The following INA variants were observed in gnomAD, a reference collection of about 807,000 sequenced individuals.
INA encodes alpha-internexin.
In INA, 35 loss-of-function variants were observed where a neutral mutation model predicts 40.1. The ratio of observed to expected loss-of-function variants is 0.87; its 90% CI spans 0.67 to 1.16. The LOEUF (loss-of-function observed/expected upper bound fraction) is 1.16, where lower values mean the gene tolerates loss of function less well. Among genes scored for constraint, INA ranks in the 50% most tolerant of loss-of-function variants. INA has a pLI of 0.00. For synonymous variants in INA, 290 were observed against 316.9 expected (o/e 0.92, Z 0.90); for missense variants, 594 against 686.7 (o/e 0.87, Z 1.51).
rs1486839093 is a variant in INA at position 103,289,069 on chromosome 10, A to G, written c.*400A>G. 2 of 155,914 alleles carry G rather than the reference A, an allele frequency of 1.3e-5. No homozygotes were observed. The highest frequency in any genetic ancestry group is 6.4e-5 in the Admixed American group (1 of 15,606). The allele number at this position is 155,914 out of a possible 1,614,324, so 9.7% of individuals were successfully genotyped here. A position where few individuals can be genotyped will look rare whatever the true frequency, so the allele number is the denominator to read the frequency against. Reference sequence around the variant, plus strand: ...TAATCTTACTCTAGATACCTAAAACATAAGATCACTGCCAGAGATAAACTA... The same window carrying G: ...TAATCTTACTCTAGATACCTAAAACGTAAGATCACTGCCAGAGATAAACTA... On this transcript the variant is annotated 3_prime_UTR_variant, in exon 3 of 3. Coordinates refer to ENST00000369849, the MANE Select transcript of INA (RefSeq NM_032727.4).
chr10:103,283,428 C>T (rs904831427), intron 1 of INA, among the ~76,000 whole-genome samples: 4 of 152,172 alleles, frequency 2.6e-5, no homozygotes, highest in Non-Finnish European at 4.4e-5. Flanking sequence ...TTTAAGGCCT[C>T]ATGATCTCTT....
At chr10:103,285,908 A>T (rs1248709202) in intron 1 of INA, among the ~76,000 whole-genome samples, 5 of 151,926 alleles carry the variant, frequency 3.3e-5, no homozygotes, top group Non-Finnish European at 7.4e-5. Flanking sequence ...GTGAGCCACC[A>T]CACCCGGGTG....
intron 1 of INA, chr10:103,280,693 G>T (rs1374817480): frequency 1.0e-6 from 1 of 985,262 alleles, no homozygotes; most frequent in Non-Finnish European, 1.2e-6. Context: ...AATGATTCAC[G>T]GTGACACAGT....
intron 1 of INA, chr10:103,281,041 GTCT>G (rs1317108978): frequency 2.0e-6 from 1 of 511,832 alleles, no homozygotes; most frequent in Non-Finnish European, 2.5e-6. Context: ...GACAAGCCAA[GTCT>G]TCTCTTTTTT....
chr10:103,279,855 A>G, intron 1 of INA: 4 of 963,160 alleles, frequency 4.2e-6, no homozygotes, highest in Non-Finnish European at 5.6e-6. Flanking sequence ...AAAATCCATA[A>G]CTTGAACTTT....
Position 103,278,216 on chromosome 10 carries a change from C to A in INA, c.1005C>A (p.Ser335=). ...AGGGCCTGCGCGGGGCCAACGAGTC[C>A]TTGGAGAGGCAGATCCTGGAGCTGG... The part of the protein sequence containing the change: ...EIEGLRGANE[S]LERQILELEE... Residue 335 remains serine, a synonymous_variant, in exon 1 of 3, where the codon TCC becomes TCA. Transcript: ENST00000369849. This position sits in a 1 kb window ranked among gnomAD's most constrained non-coding sequence, Gnocchi z 4.9. 6.3e-7 allele frequency: 1 copy of A among 1,599,050 alleles called. No individual in the cohort carries two copies. The highest frequency in any genetic ancestry group is 8.5e-7 in the Non-Finnish European group (1 of 1,173,886).
intron 1 of INA, chr10:103,281,037 C>A: frequency 1.9e-6 from 1 of 521,320 alleles, no homozygotes; most frequent in Non-Finnish European, 2.5e-6. Flanking sequence ...GGGAGACAAG[C>A]CAAGTCTTCT....
At chr10:103,281,713 C>T (rs2133533843) in intron 1 of INA, among the ~76,000 whole-genome samples, 1 of 152,338 alleles carries the variant, frequency 6.6e-6, no homozygotes, top group South Asian at 2.1e-4. Context: ...CTACTGCCTC[C>T]CTGACCCAGG....
Position 103,278,416 on chromosome 10 carries a change from A to C in INA, c.1065+140A>C. 1 of 673,996 alleles carries C rather than the reference A, an allele frequency of 1.5e-6. No individual in the cohort carries two copies. The highest frequency in any genetic ancestry group is 2.5e-6 in the Non-Finnish European group (1 of 407,416). 41.8% of individuals were successfully genotyped at this position (673,996 alleles called of 1,614,324 possible). A position where few individuals can be genotyped will look rare whatever the true frequency, so the allele number is the denominator to read the frequency against. On this transcript the variant is annotated intron_variant, in intron 1 of 2. Coordinates refer to ENST00000369849, the MANE Select transcript of INA (RefSeq NM_032727.4). This position sits in a 1 kb window ranked among gnomAD's most constrained non-coding sequence, Gnocchi z 4.9. Reference sequence around the variant, plus strand: ...AGAGCCGCGGCTGGAGGCGCTGGTTAACAAAAAACCCTGGAGTCTTTAATG... The same window carrying C: ...AGAGCCGCGGCTGGAGGCGCTGGTTCACAAAAAACCCTGGAGTCTTTAATG...
chr10:103,277,680 G>A lies in INA; in HGVS notation c.469G>A (p.Ala157Thr). Residue 157 changes from alanine to threonine, a missense_variant, in exon 1 of 3, where the codon GCC becomes ACC. Physicochemically the swap from Ala to Thr is moderately conservative, Grantham distance 58 (BLOSUM62 0). Transcript: ENST00000369849. The surrounding 1 kb of genome is among the most constrained non-coding windows in gnomAD (Gnocchi z 5.6). ...LRDLRAQLEEASSARSQALLE... is the reference protein window; with the variant it reads ...LRDLRAQLEETSSARSQALLE... ...CGACCTGCGCGCGCAGCTGGAGGAG[G>A]CCAGCTCGGCTCGCTCGCAGGCCCT... 7.3e-7 allele frequency: 1 copy of A among 1,376,712 alleles called. No individual in the cohort carries two copies. Among genetic ancestry groups the A allele is most frequent in the Non-Finnish European group, 9.3e-7 (1 of 1,075,634 alleles). The allele number at this position is 1,376,712 out of a possible 1,614,324, so 85.3% of individuals were successfully genotyped here. A position where few individuals can be genotyped will look rare whatever the true frequency, so the allele number is the denominator to read the frequency against.
intron 1 of INA, among the ~76,000 whole-genome samples, chr10:103,285,053 G>A (rs1303184110): frequency 6.6e-6 from 1 of 151,450 alleles, no homozygotes; most frequent in African/African-American, 2.4e-5. Context: ...GCACGATCTC[G>A]GCTCACTGCA....
chr10:103,277,855 A>C lies in INA; in HGVS notation c.644A>C (p.Lys215Thr). 2 of 1,548,142 alleles carry C rather than the reference A, an allele frequency of 1.3e-6. No homozygotes were observed. The highest frequency in any genetic ancestry group is 1.7e-6 in the Non-Finnish European group (2 of 1,146,768). ...GATLARLDLE[K>T]KVESLLDELA... is the part of the protein sequence containing the mutation. ...ACGCTGGCCCGCCTGGACCTGGAGA[A>C]GAAGGTGGAGTCGCTGCTGGACGAG... is the stretch of plus-strand genomic sequence containing the variant. Residue 215 changes from lysine to threonine, a missense_variant, in exon 1 of 3, where the codon AAG becomes ACG. Coordinates refer to ENST00000369849, the MANE Select transcript of INA (RefSeq NM_032727.4). The surrounding 1 kb of genome is among the most constrained non-coding windows in gnomAD (Gnocchi z 5.6).
chr10:103,277,149 C>A lies in INA; in HGVS notation c.-63C>A. On this transcript the variant is annotated 5_prime_UTR_variant, in exon 1 of 3. Transcript: ENST00000369849. The surrounding 1 kb of genome is among the most constrained non-coding windows in gnomAD (Gnocchi z 5.6). ...CACCGCCCCGCCGCGCCCTGCCTGCCGCACCTCTCCTTTCTTCTGTAGCTC... is the reference window on the plus strand; with the variant it reads ...CACCGCCCCGCCGCGCCCTGCCTGCAGCACCTCTCCTTTCTTCTGTAGCTC... 1 of 1,483,620 alleles carries A rather than the reference C, an allele frequency of 6.7e-7. No individual in the cohort carries two copies. Among genetic ancestry groups the A allele is most frequent in the Non-Finnish European group, 8.9e-7 (1 of 1,123,470 alleles). The allele number at this position is 1,483,620 out of a possible 1,614,324, so 91.9% of individuals were successfully genotyped here.
At chr10:103,280,052 C>CCA in intron 1 of INA, 1 of 1,272,676 alleles carries the variant, frequency 7.9e-7, no homozygotes, top group African/African-American at 1.5e-5. Flanking sequence ...TCCATTTTCT[C>CCA]TGCTTGTTAT....
Position 103,287,038 on chromosome 10 carries a change from A to G in INA, c.1069A>G (p.Ser357Gly). The change falls in exon 2 of 3, where the codon AGC becomes GGC. Residue 357 changes from serine (S) to glycine (G), a missense_variant. Physicochemically the swap from Ser to Gly is moderately conservative, Grantham distance 56. Transcript: ENST00000369849. The stretch of plus-strand genomic sequence containing the variant: ...TTTTGGATATGTTACTTTTCAGGAT[A>G]GCATTGGGCAGCTGGAGAATGATCT... Reference protein sequence around the residue: ...HSAEVAGYQDSIGQLENDLRN... With the variant: ...HSAEVAGYQDGIGQLENDLRN... The G allele has an allele frequency of 6.2e-7, 1 of 1,613,626 alleles. No homozygotes were observed. Among genetic ancestry groups the G allele is most frequent in the Non-Finnish European group, 8.5e-7 (1 of 1,179,772 alleles).
At position 103,288,338 on chromosome 10, in the gene INA, T is replaced by C. The variant is rs759761846; in HGVS notation, c.1191-22T>C. 5 of 1,568,524 alleles carry C rather than the reference T, an allele frequency of 3.2e-6. No individual in the cohort carries two copies. The Admixed American group carries it at 8.0e-5, about 25-fold the overall frequency. On this transcript the variant is annotated intron_variant, in intron 2 of 2. Coordinates refer to ENST00000369849, the MANE Select transcript of INA (RefSeq NM_032727.4). ...GGAAAAGTTATTGACTTCCTAAGAGTTTTTCTCTGTTGAATTTACAGGAAA... is the reference window on the plus strand; with the variant it reads ...GGAAAAGTTATTGACTTCCTAAGAGCTTTTCTCTGTTGAATTTACAGGAAA...
In INA at chr10:103,277,699, A is replaced by C. The variant is rs1367276505; in HGVS notation, c.488A>C (p.Gln163Pro). The C allele has an allele frequency of 7.3e-7, 1 of 1,372,304 alleles. No homozygotes were observed. The highest frequency in any genetic ancestry group is 3.9e-5 in the Admixed American group (1 of 25,360). 85.0% of individuals were successfully genotyped at this position (1,372,304 alleles called of 1,614,324 possible). Reference sequence around the variant, plus strand: ...GAGGAGGCCAGCTCGGCTCGCTCGCAGGCCCTGCTGGAGCGCGACGGGCTG... The same window carrying C: ...GAGGAGGCCAGCTCGGCTCGCTCGCCGGCCCTGCTGGAGCGCGACGGGCTG... The part of the protein sequence containing the change: ...QLEEASSARS[Q>P]ALLERDGLAE... Residue 163 changes from glutamine to proline, a missense_variant, in exon 1 of 3, where the codon CAG becomes CCG. Coordinates refer to ENST00000369849, the MANE Select transcript of INA (RefSeq NM_032727.4). The surrounding 1 kb of genome is among the most constrained non-coding windows in gnomAD (Gnocchi z 5.6).
intron 1 of INA, among the ~76,000 whole-genome samples, chr10:103,279,480 C>T (rs1379299394): frequency 6.6e-6 from 1 of 152,104 alleles, no homozygotes; most frequent in African/African-American, 2.4e-5. Flanking sequence ...GGCACAGAGG[C>T]AGGGGACAGG....
Position 103,288,526 on chromosome 10 carries a change from G to C in INA, c.1357G>C (p.Glu453Gln). The stretch of plus-strand genomic sequence containing the variant: ...ATCACTTAAGAAAGAGGAGGAGGAG[G>C]AGGAGGCATCTAAGGTAGCCTCTAA... ...GLSLKKEEEE[E>Q]EASKVASKKT... Residue 453 changes from glutamate to glutamine, a missense_variant, in exon 3 of 3, where the codon GAG (glutamate) becomes CAG (glutamine). Glu to Gln is a conservative substitution (Grantham distance 29). This residue lies in a region of INA where 379 missense variants were observed against 496.1 expected (regional missense o/e 0.76). Transcript: ENST00000369849. 1 of 1,613,900 alleles carries C rather than the reference G, an allele frequency of 6.2e-7. No homozygotes were observed. Among genetic ancestry groups the C allele is most frequent in the Non-Finnish European group, 8.5e-7 (1 of 1,179,980 alleles).
Sources: allele counts gnomAD v4.1 joint callset (sites outside exome capture counted in the v4.1 genomes callset), GRCh38; gene constraint gnomAD v4.1.1; regional missense constraint gnomAD v4.1.1; non-coding constraint Gnocchi (gnomAD v3.1); transcripts MANE v1.5; gene names NCBI Gene and HGNC (gene_info 2026-07-23, HGNC 2026-07-21).